The following TMEM94 variants were observed in gnomAD, a reference collection of about 807,000 sequenced individuals.
The protein encoded by TMEM94 is transmembrane protein 94.
In TMEM94, 81 loss-of-function variants were observed where a neutral mutation model predicts 158.6. The observed-to-expected ratio is 0.51, with a 90% CI of 0.43 to 0.61. The LOEUF (loss-of-function observed/expected upper bound fraction) is 0.61, where lower values mean the gene tolerates loss of function less well. Among genes scored for constraint, TMEM94 ranks in the 20% least tolerant of loss-of-function variants. The probability of loss-of-function intolerance (pLI) is 0.00; values close to 1 mark genes in which losing one functional copy is unlikely to be tolerated. For missense variants in TMEM94, 1,435 were observed against 1,762.0 expected, an observed-to-expected ratio of 0.81 and a Z score of 3.32; for synonymous variants, 751 against 730.7, an observed-to-expected ratio of 1.03 and a Z score of -0.45.
chr17:75,460,121 AAGG>A (rs1478006251), intron 1 of TMEM94, among the ~76,000 whole-genome samples: 4 of 152,128 alleles, frequency 2.6e-5, no homozygotes, highest in Non-Finnish European at 5.9e-5. Context: ...TGGCCTGCGT[AAGG>A]AGGAGCAAAC....
Position 75,491,950 on chromosome 17 carries a change from TCCTGGCCTCCCTGGCCAG to T in TMEM94, c.1596+60_1596+77del, listed in dbSNP as rs746165780. On this transcript the variant is annotated intron_variant, in intron 14 of 31. Coordinates refer to ENST00000314256, the MANE Select transcript of TMEM94 (RefSeq NM_014738.6). The surrounding 1 kb of genome is among the most constrained non-coding windows in gnomAD (Gnocchi z 5.1). ...CAGCCACACCCTCGGCCACAGGCTG[TCCTGGCCTCCCTGGCCAG>T]CCTGGCCTCACAAGGTCTGAAAGAG... is the stretch of plus-strand genomic sequence containing the variant. 1.3e-6 allele frequency: 2 copies of T among 1,541,884 alleles called. No individual in the cohort carries two copies. Among genetic ancestry groups the T allele is most frequent in the South Asian group, 2.3e-5 (2 of 86,028 alleles).
intron 1 of TMEM94, among the ~76,000 whole-genome samples, chr17:75,459,056 C>CAA (rs56267733): frequency 9.5e-5 from 9 of 94,754 alleles, no homozygotes; most frequent in Middle Eastern, 7.4e-3. Context: ...GACTCCGTCT[C>CAA]AAAAAAAAAA....
At position 75,495,852 on chromosome 17, in the gene TMEM94, CAA is replaced by C. The variant is rs2052629817; in HGVS notation, c.2945-112_2945-111del. Reference sequence around the variant, plus strand: ...CCCGCTGCCGGGGGTGGGATTGTTTCAAAGAGGGGCCCACCTCCCATCGCCTC... The same window carrying C: ...CCCGCTGCCGGGGGTGGGATTGTTTCAGAGGGGCCCACCTCCCATCGCCTC... On this transcript the variant is annotated intron_variant, in intron 22 of 31. Transcript: ENST00000314256. This position sits in a 1 kb window ranked among gnomAD's most constrained non-coding sequence, Gnocchi z 5.6. 1.2e-6 allele frequency: 1 copy of C among 859,104 alleles called. No individual in the cohort carries two copies. Among genetic ancestry groups the C allele is most frequent in the African/African-American group, 1.7e-5 (1 of 59,532 alleles). 53.2% of individuals were successfully genotyped at this position (859,104 alleles called of 1,614,324 possible).
intron 9 of TMEM94, 142 bp from the exon 10 acceptor site, chr17:75,490,092 A>G: frequency 2.6e-6 from 3 of 1,140,798 alleles, no homozygotes; most frequent in Non-Finnish European, 3.6e-6. Context: ...AAAAAAAAAA[A>G]GAACACCTCT....
At chr17:75,483,238 T>C (rs2051315787) in intron 2 of TMEM94, among the ~76,000 whole-genome samples, 1 of 152,102 alleles carries the variant, frequency 6.6e-6, no homozygotes, top group Non-Finnish European at 1.5e-5. Context: ...AGAATCGGAC[T>C]TGATTTTAAG....
chr17:75,489,207 C>A lies in TMEM94; in HGVS notation c.765-59C>A. 2 of 1,510,630 alleles carry A rather than the reference C, an allele frequency of 1.3e-6. No individual in the cohort carries two copies. The highest frequency in any genetic ancestry group is 1.8e-6 in the Non-Finnish European group (2 of 1,087,094). The allele number at this position is 1,510,630 out of a possible 1,614,324, so 93.6% of individuals were successfully genotyped here. On this transcript the variant is annotated intron_variant, in intron 7 of 31. Coordinates refer to ENST00000314256, the MANE Select transcript of TMEM94 (RefSeq NM_014738.6). The surrounding 1 kb of genome is among the most constrained non-coding windows in gnomAD (Gnocchi z 5.0). ...CTGGCAGAGAGGCCCAGAATCCTCC[C>A]AAGGTGTAGGTTTCTAGCCTCTCTG...
At chr17:75,488,228 G>T in intron 6 of TMEM94, 94 bp downstream of exon 6, 1 of 1,263,002 alleles carries the variant, frequency 7.9e-7, no homozygotes, top group East Asian at 2.4e-5. Flanking sequence ...GAAGCTTCCC[G>T]GCCAGCTTAC....
intron 1 of TMEM94, among the ~76,000 whole-genome samples, chr17:75,468,065 G>A (rs1214037846): frequency 6.6e-6 from 1 of 152,128 alleles, no homozygotes; most frequent in Non-Finnish European, 1.5e-5. Context: ...AGGCTCAGAG[G>A]GACAAATAAT....
chr17:75,485,554 C>T lies in TMEM94; in HGVS notation c.144+7C>T, dbSNP rs922378767. 1 of 1,614,106 alleles carries T rather than the reference C, an allele frequency of 6.2e-7. No individual in the cohort carries two copies. Among genetic ancestry groups the T allele is most frequent in the Middle Eastern group, 1.6e-4 (1 of 6,062 alleles). On this transcript the variant is annotated splice_region_variant and intron_variant, in intron 3 of 31. Transcript: ENST00000314256. The surrounding 1 kb of genome is among the most constrained non-coding windows in gnomAD (Gnocchi z 5.5). The stretch of plus-strand genomic sequence containing the variant: ...GAAGTGTCTGACGTGGAAGGTGAAG[C>T]TTCTTCTCGGGGCTACCAGGGCCTG...
chr17:75,496,219 G>T, intron 23 of TMEM94, 63 bp from the exon 24 acceptor site: 2 of 1,605,156 alleles, frequency 1.2e-6, no homozygotes, highest in East Asian at 2.2e-5. Context: ...TGGGAGAAGA[G>T]GGTGGGGTGC....
chr17:75,478,809 C>T lies in TMEM94; in HGVS notation c.25-6619C>T, dbSNP rs534909592. Among the ~76,000 whole-genome samples the T allele has an allele frequency of 1.1e-4, 16 of 152,290 alleles. No individual in the cohort carries two copies. In the East Asian group the frequency reaches 2.5e-3, roughly 24 times the overall value. On this transcript the variant is annotated intron_variant, in intron 2 of 31. Transcript: ENST00000314256. The stretch of plus-strand genomic sequence containing the variant: ...CATCCGTGTAATTTGAGAAGTAGGG[C>T]CTCCCTTCCCCTTGGTGTGGTGGGA...
chr17:75,490,386 G>A lies in TMEM94; in HGVS notation c.1071+36G>A, dbSNP rs200674169. On this transcript the variant is annotated intron_variant, in intron 10 of 31. Transcript: ENST00000314256. ...CCAAGGTGTCTGGGGGAAGTCACAG[G>A]AACAAAAAGAGGGAGCTGGCTGTGC... is the stretch of plus-strand genomic sequence containing the variant. 8,447 of 1,598,232 alleles carry A rather than the reference G, an allele frequency of 5.3e-3. 39 individuals are homozygous for A. Among genetic ancestry groups the A allele is most frequent in the Non-Finnish European group, 6.3e-3 (7,424 of 1,173,930 alleles).
Position 75,493,487 on chromosome 17 carries a change from C to T in TMEM94, c.2087-4C>T, listed in dbSNP as rs2052401999. ...ACACTCAGGGTTTGAACTCTCTCCC[C>T]CAGGCACAGAGCAGATGCTGTCCCA... On this transcript the variant is annotated splice_polypyrimidine_tract_variant and splice_region_variant and intron_variant, in intron 16 of 31. Coordinates refer to ENST00000314256, the MANE Select transcript of TMEM94 (RefSeq NM_014738.6). 1.2e-6 allele frequency: 2 copies of T among 1,613,688 alleles called. No homozygotes were observed. Among genetic ancestry groups the T allele is most frequent in the Non-Finnish European group, 8.5e-7 (1 of 1,179,764 alleles).
intron 2 of TMEM94, among the ~76,000 whole-genome samples, chr17:75,482,524 ATATGTATG>A (rs57220539): frequency 0.12 from 16,807 of 144,970 alleles, 1,032 homozygotes; most frequent in African/African-American, 0.14. Context: ...AAATATATAT[ATATGTATG>A]TATGTATGTA....
chr17:75,456,694 G>GAGGAGGGGGTT lies in TMEM94; in HGVS notation c.-163_-153dup, dbSNP rs2049902274. 6.6e-6 allele frequency: 1 copy of GAGGAGGGGGTT among 152,340 alleles called. No homozygotes were observed. The highest frequency in any genetic ancestry group is 1.5e-5 in the Non-Finnish European group (1 of 68,136). 9.4% of individuals were successfully genotyped at this position (152,340 alleles called of 1,614,324 possible). ...GCCCCCGGAGGAGGGGACGTGAAGT[G>GAGGAGGGGGTT]AGGAGGGGGTTGGGAGGGGAGAGGA... On this transcript the variant is annotated 5_prime_UTR_variant, in exon 1 of 32. Coordinates refer to ENST00000314256, the MANE Select transcript of TMEM94 (RefSeq NM_014738.6).
chr17:75,461,627 A>T (rs1431065376), intron 1 of TMEM94, among the ~76,000 whole-genome samples: 10 of 152,026 alleles, frequency 6.6e-5, no homozygotes, highest in Admixed American at 6.6e-4. Context: ...AATCTAAGAA[A>T]TGTAATCCAC....
chr17:75,471,287 A>G (rs56255938), intron 1 of TMEM94, among the ~76,000 whole-genome samples: 12,750 of 150,682 alleles, frequency 0.085, 592 homozygotes, highest in Non-Finnish European at 0.1. Context: ...GAAGGGTGAA[A>G]GAGAGAAAGT....
chr17:75,495,177 A>T lies in TMEM94; in HGVS notation c.2729-107A>T. 7.1e-7 allele frequency: 1 copy of T among 1,401,116 alleles called. No homozygotes were observed. Among genetic ancestry groups the T allele is most frequent in the Non-Finnish European group, 9.7e-7 (1 of 1,027,952 alleles). 86.8% of individuals were successfully genotyped at this position (1,401,116 alleles called of 1,614,324 possible). A position where few individuals can be genotyped will look rare whatever the true frequency, so the allele number is the denominator to read the frequency against. ...TGGCTCTGATGTCCCTGCGGGAAAC[A>T]GTAGTCAGCAGGAAGGAGTGGACAC... On this transcript the variant is annotated intron_variant, in intron 20 of 31. Transcript: ENST00000314256. The surrounding 1 kb of genome is among the most constrained non-coding windows in gnomAD (Gnocchi z 5.6).
chr17:75,494,015 C>T (rs1198337459), intron 18 of TMEM94, 99 bp downstream of exon 18: 1 of 1,177,996 alleles, frequency 8.5e-7, no homozygotes, highest in Non-Finnish European at 1.2e-6. Flanking sequence ...CGGCACCCCC[C>T]ACAGCAAAGG....
Sources: allele counts gnomAD v4.1 joint callset (sites outside exome capture counted in the v4.1 genomes callset), GRCh38; gene constraint gnomAD v4.1.1; non-coding constraint Gnocchi (gnomAD v3.1); transcripts MANE v1.5; gene names NCBI Gene and HGNC (gene_info 2026-07-23, HGNC 2026-07-21).